Variants in PLS1 observed in about 807,000 individuals in gnomAD.
PLS1 encodes plastin-1.
PLS1 carries 32 observed loss-of-function variants against 73.7 expected under a neutral mutation model. The ratio of observed to expected loss-of-function variants is 0.43; its 90% CI spans 0.33 to 0.58. The LOEUF (loss-of-function observed/expected upper bound fraction) is 0.58. PLS1 is among the 20% of genes least tolerant of loss of function. PLS1 has a pLI of 0.04. For synonymous variants in PLS1, 217 were observed against 261.3 expected (o/e 0.83, Z 1.63); for missense variants, 633 against 740.5 (o/e 0.85, Z 1.68).
At chr3:142,596,604 G>A (rs73228752) in intron 1 of PLS1, 95 bp downstream of exon 1, 12,542 of 152,584 alleles carry the variant, frequency 0.082, 685 homozygotes, top group Non-Finnish European at 0.12. Context: ...CGGCTCGGGG[G>A]CAGTATCTCC....
chr3:142,707,579 C>T (rs779310165), intron 14 of PLS1, among the ~76,000 whole-genome samples: 9 of 152,210 alleles, frequency 5.9e-5, no homozygotes, highest in Non-Finnish European at 1.3e-4. Flanking sequence ...TCTGTCTACA[C>T]ACAAGGTGAA....
intron 2 of PLS1, among the ~76,000 whole-genome samples, chr3:142,664,573 C>T (rs768477627): frequency 6.6e-5 from 10 of 152,152 alleles, no homozygotes; most frequent in Non-Finnish European, 1.2e-4. Flanking sequence ...TAACTGAATA[C>T]ACTTTACACG....
chr3:142,599,910 C>T (rs1293691312), intron 1 of PLS1, among the ~76,000 whole-genome samples: 3 of 152,122 alleles, frequency 2.0e-5, no homozygotes, highest in Admixed American at 2.0e-4. Context: ...GCACGTGCCA[C>T]CATGCGTGGC....
intron 14 of PLS1, 21 bp downstream of exon 14, chr3:142,704,607 A>T: frequency 2.1e-6 from 3 of 1,423,754 alleles, no homozygotes; most frequent in Non-Finnish European, 2.8e-6. Flanking sequence ...GTCCTAAAAA[A>T]AATTTTTTTT....
intron 1 of PLS1, chr3:142,597,099 T>C (rs2035828354): frequency 6.6e-6 from 1 of 152,236 alleles, no homozygotes; most frequent in African/African-American, 2.4e-5. Context: ...TTTTCAATTA[T>C]TACTGTATTT....
rs1227099665 is a variant in PLS1, at chr3:142,630,439, A to C, written c.-36-33763A>C. On this transcript the variant is annotated intron_variant, in intron 1 of 15. Transcript: ENST00000457734. ...CTGCCTCAAAAAAAAAAAAAAAAAA[A>C]ACAAACAAAACACTCTGAAATATAA... Among the ~76,000 whole-genome samples the C allele has an allele frequency of 9.7e-5, 14 of 144,974 alleles. No homozygotes were observed. In the East Asian group the frequency reaches 1.2e-3, roughly 13 times the overall value.
chr3:142,707,572 G>A (rs1330286824), intron 14 of PLS1, among the ~76,000 whole-genome samples: 1 of 152,174 alleles, frequency 6.6e-6, no homozygotes, highest in Non-Finnish European at 1.5e-5. Context: ...ATCCAGGTCT[G>A]TCTACACACA....
intron 1 of PLS1, among the ~76,000 whole-genome samples, chr3:142,646,440 A>G (rs901890215): frequency 2.0e-4 from 31 of 152,234 alleles, no homozygotes; most frequent in African/African-American, 7.5e-4. Context: ...CTTAGGATTC[A>G]GATTTAAAAC....
At chr3:142,647,499 T>TTTTC (rs201096339) in intron 1 of PLS1, among the ~76,000 whole-genome samples, 11,917 of 103,712 alleles carry the variant, frequency 0.11, 905 homozygotes, top group African/African-American at 0.26. Context: ...TTTCTTTTTC[T>TTTTC]TTTCTTTTTT....
chr3:142,706,417 G>A (rs996884629), intron 14 of PLS1, among the ~76,000 whole-genome samples: 1 of 152,120 alleles, frequency 6.6e-6, no homozygotes, highest in East Asian at 1.9e-4. Flanking sequence ...GAGAAAGGGG[G>A]ATAACAAACT....
intron 1 of PLS1, among the ~76,000 whole-genome samples, chr3:142,614,147 G>A (rs554117268): frequency 3.9e-5 from 6 of 152,206 alleles, no homozygotes; most frequent in Admixed American, 6.5e-5. Context: ...TTTGCTATTC[G>A]TTCATGATCT....
At chr3:142,693,628 C>G (rs2038132217) in intron 10 of PLS1, among the ~76,000 whole-genome samples, 1 of 152,148 alleles carries the variant, frequency 6.6e-6, no homozygotes, top group African/African-American at 2.4e-5. Flanking sequence ...CAGGAGATGA[C>G]TAGAAGGCAG....
chr3:142,664,352 T>C, intron 2 of PLS1, 45 bp downstream of exon 2: 1 of 984,056 alleles, frequency 1.0e-6, no homozygotes, highest in Admixed American at 2.0e-5. Context: ...GTCTGCTTGA[T>C]GTCAGACTTC....
intron 12 of PLS1, 79 bp downstream of exon 12, chr3:142,698,146 C>T (rs980716681): frequency 7.4e-6 from 6 of 812,114 alleles, no homozygotes; most frequent in East Asian, 2.6e-5. Context: ...TGAAGTTATA[C>T]GTGCTCTGTC....
At chr3:142,598,853 T>TG (rs376236296) in intron 1 of PLS1, among the ~76,000 whole-genome samples, 4 of 151,510 alleles carry the variant, frequency 2.6e-5, no homozygotes, top group Non-Finnish European at 4.4e-5. Flanking sequence ...AAAAATTAGC[T>TG]GGGGGGGCAT....
In PLS1 at chr3:142,669,571, T is replaced by G; in HGVS notation, c.234+18T>G. 6.3e-7 allele frequency: 1 copy of G among 1,587,074 alleles called. No individual in the cohort carries two copies. Among genetic ancestry groups the G allele is most frequent in the Non-Finnish European group, 8.6e-7 (1 of 1,160,086 alleles). Reference sequence around the variant, plus strand: ...TTGTGTCAGTAAGTAATCTAATCCTTTCGGGCTACTGATAATCTTGCTTAG... The same window carrying G: ...TTGTGTCAGTAAGTAATCTAATCCTGTCGGGCTACTGATAATCTTGCTTAG... On this transcript the variant is annotated intron_variant, in intron 3 of 15. Coordinates refer to ENST00000457734, the MANE Select transcript of PLS1 (RefSeq NM_001145319.2).
chr3:142,658,929 T>G (rs760467854), intron 1 of PLS1, among the ~76,000 whole-genome samples: 2 of 152,178 alleles, frequency 1.3e-5, no homozygotes, highest in Non-Finnish European at 2.9e-5. Context: ...ATGTAGAACT[T>G]AAGAACTTGG....
chr3:142,600,148 G>T (rs182661404), intron 1 of PLS1, among the ~76,000 whole-genome samples: 8 of 152,164 alleles, frequency 5.3e-5, no homozygotes. Context: ...TTTGGTGGTC[G>T]ATGAGAGAAT....
chr3:142,598,509 A>C (rs2035851913), intron 1 of PLS1, among the ~76,000 whole-genome samples: 1 of 152,176 alleles, frequency 6.6e-6, no homozygotes, highest in South Asian at 2.1e-4. Context: ...ACAGGCGTAA[A>C]AACACGGGTC....
Sources: gnomAD v4.1 joint callset for allele counts (sites outside exome capture counted in the v4.1 genomes callset) on GRCh38, gnomAD v4.1.1 for gene constraint, MANE v1.5 for transcripts, NCBI Gene and HGNC (gene_info 2026-07-23, HGNC 2026-07-21) for gene names.